PADI6: variants seen among roughly 807,000 people sequenced by gnomAD.
PADI6 encodes the protein inactive protein-arginine deiminase type-6.
In PADI6, 66 loss-of-function variants were observed where a neutral mutation model predicts 78.2. The observed-to-expected ratio is 0.84, with a 90% confidence interval of 0.69 to 1.04. PADI6 has a LOEUF of 1.04. PADI6 is among the 50% of genes least tolerant of loss of function. The probability of loss-of-function intolerance (pLI) is 0.00; values close to 1 mark genes in which losing one functional copy is unlikely to be tolerated. For missense variants in PADI6, 854 were observed against 866.1 expected, an observed-to-expected ratio of 0.99 and a Z score of 0.18; for synonymous variants, 397 against 346.9, an observed-to-expected ratio of 1.14 and a Z score of -1.60.
At chr1:17,399,247 G>A (rs1188806187) in intron 15 of PADI6, among the ~76,000 whole-genome samples, 8 of 152,308 alleles carry the variant, frequency 5.3e-5, no homozygotes, top group East Asian at 3.9e-4. Flanking sequence ...CTTCCTGTCC[G>A]CTATCTCCAG....
chr1:17,398,963 G>A, intron 15 of PADI6, 116 bp downstream of exon 15: 1 of 1,150,462 alleles, frequency 8.7e-7, no homozygotes, highest in South Asian at 1.6e-5. Flanking sequence ...TACCTATGAG[G>A]AAATGGGAGG....
intron 6 of PADI6, among the ~76,000 whole-genome samples, chr1:17,387,201 T>C (rs893518074): frequency 6.6e-6 from 1 of 152,156 alleles, no homozygotes. Context: ...CCTAGCACTT[T>C]GGGAGGCTGA....
In PADI6 at chr1:17,388,529, T is replaced by G. The variant is rs1308539115; in HGVS notation, c.828T>G (p.Ser276=). ...AATTCTCAGGCCTCATCTCCTACTC[T>G]GTGTCCCTGGTGGAGGAGTCTCAAG... The part of the protein sequence containing the change: ...SAEFSGLISY[S]VSLVEESQDP... Residue 276 remains serine, a synonymous_variant, in exon 7 of 16, where the codon TCT becomes TCG. Transcript: ENST00000619609. 1.2e-6 allele frequency: 2 copies of G among 1,612,984 alleles called. No individual in the cohort carries two copies. Among genetic ancestry groups the G allele is most frequent in the South Asian group, 2.2e-5 (2 of 90,984 alleles).
rs1256902158 is a variant in PADI6 at position 17,388,250 on chromosome 1, A to G, written c.680-131A>G. 13 of 841,058 alleles carry G rather than the reference A, an allele frequency of 1.5e-5. No homozygotes were observed. The East Asian group carries it at 3.5e-4, about 23-fold the overall frequency. The allele number at this position is 841,058 out of a possible 1,614,324, so 52.1% of individuals were successfully genotyped here. ...TGCTAGAAACGGGGATGGCTGAGCC[A>G]TTTCAGCTCCAGCCCTCCTGGAACT... On this transcript the variant is annotated intron_variant, in intron 6 of 15. Coordinates refer to ENST00000619609, the MANE Select transcript of PADI6 (RefSeq NM_207421.4).
intron 8 of PADI6, among the ~76,000 whole-genome samples, chr1:17,391,128 GACT>G (rs1180695347): frequency 6.6e-6 from 1 of 152,224 alleles, no homozygotes; most frequent in Non-Finnish European, 1.5e-5. Flanking sequence ...CCTGAAGCCG[GACT>G]ACAGTCCCAA....
intron 15 of PADI6, among the ~76,000 whole-genome samples, chr1:17,399,294 T>C (rs1259767914): frequency 6.6e-6 from 1 of 152,196 alleles, no homozygotes; most frequent in East Asian, 1.9e-4. Flanking sequence ...TAGAGGTACA[T>C]CAGCCCTTAA....
At chr1:17,390,295 G>T (rs996766375) in intron 8 of PADI6, among the ~76,000 whole-genome samples, 1 of 151,150 alleles carries the variant, frequency 6.6e-6, no homozygotes, top group African/African-American at 2.4e-5. Context: ...GAGCGAAACT[G>T]TCTCAAAAAC....
intron 7 of PADI6, 61 bp from the exon 8 acceptor site, chr1:17,388,716 G>A: frequency 6.5e-7 from 1 of 1,542,842 alleles, no homozygotes; most frequent in Non-Finnish European, 8.9e-7. Context: ...GGAACCCTGG[G>A]GTAAGAGGGG....
chr1:17,373,932 G>A (rs2074990769), intron 2 of PADI6, among the ~76,000 whole-genome samples: 1 of 152,074 alleles, frequency 6.6e-6, no homozygotes, highest in Admixed American at 6.5e-5. Context: ...TCTCCCTAAT[G>A]GGGTGCCTAT....
chr1:17,392,509 C>T (rs2800691), intron 9 of PADI6, among the ~76,000 whole-genome samples: 45,032 of 152,038 alleles, frequency 0.3, 6,967 homozygotes, highest in Middle Eastern at 0.41. Context: ...ATACCTTTGG[C>T]TAAGGCTGTG....
chr1:17,395,834 A>G (rs2075241486), intron 13 of PADI6, among the ~76,000 whole-genome samples, 171 bp downstream of exon 13: 1 of 152,202 alleles, frequency 6.6e-6, no homozygotes, highest in Non-Finnish European at 1.5e-5. Flanking sequence ...GTGGTACTAC[A>G]ACACAAGTAG....
chr1:17,381,916 A>C (rs2100297153), intron 5 of PADI6, 51 bp from the exon 6 acceptor site: 3 of 1,608,936 alleles, frequency 1.9e-6, no homozygotes, highest in Non-Finnish European at 2.5e-6. Flanking sequence ...CTCCACCCCC[A>C]GAGTGCTGGC....
chr1:17,394,979 C>G lies in PADI6; in HGVS notation c.1366C>G (p.Leu456Val). ...AGAGGGCCGGGCCATGAGTAAGACC[C>G]TCCGAGACTTCCTCTATGCCCAGCA... is the stretch of plus-strand genomic sequence containing the variant. ...SAEGRAMSKT[L>V]RDFLYAQQVQ... is the part of the protein sequence containing the mutation. The change falls in exon 12 of 16, where the codon CTC (leucine) becomes GTC (valine). Residue 456 changes from leucine (L) to valine (V), a missense_variant. Coordinates refer to ENST00000619609, the MANE Select transcript of PADI6 (RefSeq NM_207421.4). The G allele has an allele frequency of 6.2e-7, 1 of 1,613,128 alleles. No homozygotes were observed. Among genetic ancestry groups the G allele is most frequent in the Non-Finnish European group, 8.5e-7 (1 of 1,179,860 alleles).
chr1:17,380,513 G>C (rs1029488248), intron 4 of PADI6, among the ~76,000 whole-genome samples: 9 of 152,226 alleles, frequency 5.9e-5, no homozygotes, highest in African/African-American at 2.2e-4. Context: ...GACTCTAGGT[G>C]CCTGCCACCA....
At chr1:17,374,212 C>T (rs975685760) in intron 2 of PADI6, among the ~76,000 whole-genome samples, 3 of 152,034 alleles carry the variant, frequency 2.0e-5, no homozygotes, top group African/African-American at 7.2e-5. Flanking sequence ...TCCCTCCCCC[C>T]ACACCCTACA....
At chr1:17,387,467 G>GC (rs1164297650) in intron 6 of PADI6, among the ~76,000 whole-genome samples, 3 of 151,734 alleles carry the variant, frequency 2.0e-5, no homozygotes, top group South Asian at 4.2e-4. Context: ...GAGGGGGGGG[G>GC]GCCAGGCGTG....
intron 5 of PADI6, among the ~76,000 whole-genome samples, 169 bp downstream of exon 5, chr1:17,381,333 G>A (rs1206007608): frequency 2.0e-5 from 3 of 152,118 alleles, no homozygotes; most frequent in Admixed American, 6.5e-5. Context: ...ATGTATAATT[G>A]GGTAAGAGAA....
chr1:17,387,487 A>G (rs111916593), intron 6 of PADI6, among the ~76,000 whole-genome samples: 2,237 of 151,214 alleles, frequency 0.015, 60 homozygotes, highest in African/African-American at 0.051. Flanking sequence ...GGTAGCTCAC[A>G]CCTGTAATCC....
At chr1:17,374,378 C>T (rs2074994919) in intron 2 of PADI6, among the ~76,000 whole-genome samples, 1 of 151,826 alleles carries the variant, frequency 6.6e-6, no homozygotes, top group Admixed American at 6.6e-5. Flanking sequence ...GTAATCCCAG[C>T]ACTTTGGAAG....
Sources: gnomAD v4.1 joint callset for allele counts (sites outside exome capture counted in the v4.1 genomes callset) on GRCh38, gnomAD v4.1.1 for gene constraint, MANE v1.5 for transcripts, NCBI Gene and HGNC (gene_info 2026-07-23, HGNC 2026-07-21) for gene names.